FUT8: variants seen among roughly 807,000 people sequenced by gnomAD.
The protein encoded by FUT8 is alpha-(1,6)-fucosyltransferase.
Under a neutral mutation model 71.3 loss-of-function variants are expected in FUT8, and 29 were observed. The ratio of observed to expected loss-of-function variants is 0.41; its 90% CI spans 0.30 to 0.55. FUT8 has a LOEUF of 0.55. Among genes scored for constraint, FUT8 ranks in the 20% least tolerant of loss-of-function variants. FUT8 has a pLI of 0.34. For missense variants in FUT8, 544 were observed against 702.1 expected (o/e 0.77, Z 2.55); for synonymous variants, 254 against 239.3 (o/e 1.06, Z -0.57).
In FUT8 at chr14:65,492,364, A is replaced by G. The variant is rs146839045; in HGVS notation, c.-228+36646A>G. 6.6e-3 allele frequency among the ~76,000 whole-genome samples: 999 copies of G among 152,338 alleles called. 4 individuals are homozygous for G. The highest frequency in any genetic ancestry group is 8.7e-3 in the Non-Finnish European group (592 of 68,028). On this transcript the variant is annotated intron_variant, in intron 2 of 10. Coordinates refer to ENST00000673929, the MANE Select transcript of FUT8 (RefSeq NM_001371533.1). The stretch of plus-strand genomic sequence containing the variant: ...GGAGGCAGAAACAGACTGTAGCCAC[A>G]CTTGTGCCAGTCACTAAGTTTTGGC...
intron 8 of FUT8, among the ~76,000 whole-genome samples, chr14:65,722,580 G>T (rs1234436733): frequency 1.3e-5 from 2 of 152,208 alleles, no homozygotes; most frequent in East Asian, 3.8e-4. Flanking sequence ...TGTGAAGTCA[G>T]AATATCAAAT....
chr14:65,500,238 T>A (rs898440392), intron 2 of FUT8, among the ~76,000 whole-genome samples: 1 of 152,214 alleles, frequency 6.6e-6, no homozygotes. Flanking sequence ...ATTCCTGCTT[T>A]CAGTATATTA....
the FUT8 span, among the ~76,000 whole-genome samples, chr14:65,364,921 T>C: frequency 4.6e-5 from 7 of 152,288 alleles, no homozygotes; most frequent in East Asian, 1.3e-3. Flanking sequence ...GAGCCGGGGC[T>C]TACACCTGAG....
At chr14:65,437,172 T>A (rs1193810425) in intron 1 of FUT8, among the ~76,000 whole-genome samples, 1 of 152,228 alleles carries the variant, frequency 6.6e-6, no homozygotes, top group African/African-American at 2.4e-5. Flanking sequence ...GCAGACCTCT[T>A]CAAGTTGCAA....
Position 65,607,764 on chromosome 14 carries a change from A to G in FUT8, c.204-8214A>G, listed in dbSNP as rs553609382. On this transcript the variant is annotated intron_variant, in intron 3 of 10. Transcript: ENST00000673929. The surrounding 1 kb of genome is among the most constrained non-coding windows in gnomAD (Gnocchi z 4.1). ...TTTTATGAATATTTGTAAAACTCATATAAAAATGCTAGAACCTGGCCAGGC... is the reference window on the plus strand; with the variant it reads ...TTTTATGAATATTTGTAAAACTCATGTAAAAATGCTAGAACCTGGCCAGGC... 1.6e-4 allele frequency among the ~76,000 whole-genome samples: 24 copies of G among 151,942 alleles called. No homozygotes were observed. The South Asian group carries it at 5.0e-3, about 32-fold the overall frequency.
chr14:65,553,582 T>TA (rs1474861919), intron 2 of FUT8, among the ~76,000 whole-genome samples: 2 of 152,096 alleles, frequency 1.3e-5, no homozygotes, highest in African/African-American at 4.8e-5. Flanking sequence ...TTTTTTATAG[T>TA]ACAATTTTGC....
At chr14:65,516,872 C>T (rs1438647676) in intron 2 of FUT8, among the ~76,000 whole-genome samples, 2 of 151,458 alleles carry the variant, frequency 1.3e-5, no homozygotes, top group Non-Finnish European at 2.9e-5. Context: ...TAATAATTCC[C>T]CGTTACTTAT....
rs114493337 is a variant in FUT8 at position 65,588,578 on chromosome 14, G to C, written c.203+26812G>C. On this transcript the variant is annotated intron_variant, in intron 3 of 10. Transcript: ENST00000673929. ...TGCTTAAGTACTTGGCATGTAACAA[G>C]TACTTGGCAATTTTTTAAAAATGAG... Among the ~76,000 whole-genome samples the C allele has an allele frequency of 9.8e-3, 1,490 of 152,296 alleles. 24 individuals are homozygous for C. Among genetic ancestry groups the C allele is most frequent in the African/African-American group, 0.034 (1,431 of 41,552 alleles).
intron 2 of FUT8, among the ~76,000 whole-genome samples, chr14:65,551,042 A>G (rs952479538): frequency 6.6e-6 from 1 of 152,182 alleles, no homozygotes; most frequent in Non-Finnish European, 1.5e-5. Context: ...ATAATGCCGT[A>G]TTACCCTTTG....
upstream of FUT8, chr14:65,412,374 G>A (rs1229229686): frequency 2.2e-6 from 1 of 455,012 alleles, no homozygotes; most frequent in Non-Finnish European, 4.4e-6. Context: ...GGCACGGGCC[G>A]GTCCATTCCC....
At chr14:65,533,662 A>G (rs1335627689) in intron 2 of FUT8, among the ~76,000 whole-genome samples, 2 of 151,968 alleles carry the variant, frequency 1.3e-5, no homozygotes, top group Non-Finnish European at 2.9e-5. Context: ...TCTTGAAAGG[A>G]CTTCCAATAC....
chr14:65,414,689 G>A (rs1019895511), intron 1 of FUT8, among the ~76,000 whole-genome samples: 1 of 152,148 alleles, frequency 6.6e-6, no homozygotes, highest in Non-Finnish European at 1.5e-5. Context: ...TATAAGACAC[G>A]TACAAAGGTA....
In FUT8 at chr14:65,627,861, A is replaced by C. The variant is rs1266532377; in HGVS notation, c.483-1631A>C. Among the ~76,000 whole-genome samples the C allele has an allele frequency of 2.6e-5, 4 of 152,140 alleles. No homozygotes were observed. The highest frequency in any genetic ancestry group is 9.7e-5 in the African/African-American group (4 of 41,440). ...CAGCTGTGACTAGTTAAATTATTTT[A>C]GAGAGATACTTTAACAACTGCCTGA... On this transcript the variant is annotated intron_variant, in intron 5 of 10. Coordinates refer to ENST00000673929, the MANE Select transcript of FUT8 (RefSeq NM_001371533.1). The surrounding 1 kb of genome is among the most constrained non-coding windows in gnomAD (Gnocchi z 4.0).
chr14:65,388,529 A>G, the FUT8 span, among the ~76,000 whole-genome samples: 26 of 152,308 alleles, frequency 1.7e-4, no homozygotes, highest in African/African-American at 5.8e-4. Context: ...TGGCAGGCCA[A>G]GGCGGGCAGA....
chr14:65,439,997 C>A (rs1255754044), intron 1 of FUT8, among the ~76,000 whole-genome samples: 1 of 79,756 alleles, frequency 1.3e-5, no homozygotes, highest in African/African-American at 4.2e-5. Context: ...TATATGTACA[C>A]ACACACAGTG....
intron 7 of FUT8, among the ~76,000 whole-genome samples, chr14:65,699,668 A>G (rs1417115656): frequency 6.6e-6 from 1 of 152,138 alleles, no homozygotes; most frequent in African/African-American, 2.4e-5. Context: ...TTGCGGGAAG[A>G]TCAGTTATAC....
At chr14:65,688,520 CAAAAA>C (rs34293733) in intron 7 of FUT8, among the ~76,000 whole-genome samples, 7 of 55,122 alleles carry the variant, frequency 1.3e-4, no homozygotes, top group Non-Finnish European at 1.6e-4. Flanking sequence ...ATCCACATGC[CAAAAA>C]AAAAAAAAAA....
At chr14:65,497,929 G>A (rs2066585680) in intron 2 of FUT8, among the ~76,000 whole-genome samples, 1 of 151,914 alleles carries the variant, frequency 6.6e-6, no homozygotes, top group Non-Finnish European at 1.5e-5. Context: ...GGAAGGGAGC[G>A]ATTTTCTGCT....
intron 2 of FUT8, among the ~76,000 whole-genome samples, chr14:65,529,969 C>T (rs1883825453): frequency 6.6e-6 from 1 of 152,266 alleles, no homozygotes; most frequent in Admixed American, 6.5e-5. Flanking sequence ...GGAAATTACT[C>T]AGCACTAACT....
Sources: gnomAD v4.1 joint callset for allele counts (sites outside exome capture counted in the v4.1 genomes callset) on GRCh38, gnomAD v4.1.1 for gene constraint, Gnocchi (gnomAD v3.1) non-coding constraint, MANE v1.5 for transcripts, NCBI Gene and HGNC (gene_info 2026-07-23, HGNC 2026-07-21) for gene names.